Variants in RADIL observed in about 807,000 individuals in gnomAD.
The protein encoded by RADIL is ras-associating and dilute domain-containing protein.
In RADIL, 99 loss-of-function variants were observed where a neutral mutation model predicts 97.6. The ratio of observed to expected loss-of-function variants is 1.01; its 90% CI spans 0.86 to 1.20. RADIL has a LOEUF of 1.20. Among genes scored for constraint, RADIL ranks in the 50% most tolerant of loss-of-function variants. The pLI, the probability that RADIL is intolerant of heterozygous loss-of-function variation, is 0.00. For missense variants in RADIL, 1,765 were observed against 1,498.9 expected (o/e 1.18, Z -2.93); for synonymous variants, 803 against 691.8 (o/e 1.16, Z -2.52).
In RADIL at chr7:4,871,710, C is replaced by T. The variant is rs112619410; in HGVS notation, c.535+5895G>A. Among the ~76,000 whole-genome samples, 120 of 152,320 alleles carry T rather than the reference C, an allele frequency of 7.9e-4. 1 individual carries two copies. The highest frequency in any genetic ancestry group is 3.4e-3 in the Middle Eastern group (1 of 294). On this transcript the variant is annotated intron_variant, in intron 2 of 14. Coordinates refer to ENST00000399583, the MANE Select transcript of RADIL (RefSeq NM_018059.5). ...ACACACAAAGAAAACGGACCCCACTCGGGAGTCTTGCAGACGCATAGGAGC... is the reference window on the plus strand; with the variant it reads ...ACACACAAAGAAAACGGACCCCACTTGGGAGTCTTGCAGACGCATAGGAGC...
At chr7:4,861,726 G>C (rs761559548) in intron 2 of RADIL, 2 of 1,537,594 alleles carry the variant, frequency 1.3e-6, no homozygotes, top group Non-Finnish European at 1.7e-6. Context: ...GGGACCGCTA[G>C]ACTGATAGGC....
intron 6 of RADIL, among the ~76,000 whole-genome samples, chr7:4,820,562 G>A (rs571572168): frequency 1.3e-5 from 2 of 152,306 alleles, no homozygotes; most frequent in East Asian, 1.9e-4. Flanking sequence ...AGGCAGCCCC[G>A]ATTCCCAGGA....
rs749323076 is a variant in RADIL, at chr7:4,836,543, G to C, written c.598C>G (p.Leu200Val). Residue 200 changes from leucine to valine, a missense_variant, in exon 3 of 15, where the codon CTG becomes GTG. By Grantham distance (32) the Leu-to-Val change is conservative. Transcript: ENST00000399583. ...SRAKGTPTPA[L>V]GDARSSPPPR... ...GGAGGAGAGCTCCGGGCATCCCCCA[G>C]GGCCGGGGTCGGGGTTCCCTTCGCG... The C allele has an allele frequency of 3.7e-6, 6 of 1,607,890 alleles. No homozygotes were observed. The African/African-American group carries it at 5.3e-5, about 14-fold the overall frequency.
intron 2 of RADIL, among the ~76,000 whole-genome samples, chr7:4,862,577 C>G (rs952287092): frequency 1.3e-5 from 2 of 152,218 alleles, no homozygotes; most frequent in South Asian, 2.1e-4. Context: ...GATCCCACCA[C>G]TGTGTGTCCA....
rs1445513705 is a variant in RADIL at position 4,815,819 on chromosome 7, C to T, written c.1967-369G>A. 6.6e-6 allele frequency among the ~76,000 whole-genome samples: 1 copy of T among 152,152 alleles called. No homozygotes were observed. The highest frequency in any genetic ancestry group is 1.5e-5 in the Non-Finnish European group (1 of 68,018). On this transcript the variant is annotated intron_variant, in intron 8 of 14. Transcript: ENST00000399583. The surrounding 1 kb of genome is among the most constrained non-coding windows in gnomAD (Gnocchi z 8.0). The stretch of plus-strand genomic sequence containing the variant: ...CTGGGAGTGGCCAGTGCTCCTGAGC[C>T]CTGCAGGTGATGGGGGAAGTCACTC...
intron 2 of RADIL, among the ~76,000 whole-genome samples, chr7:4,864,356 T>C (rs2115037970): frequency 6.6e-6 from 1 of 152,366 alleles, no homozygotes; most frequent in East Asian, 1.9e-4. Flanking sequence ...GTTTCCATTC[T>C]AAGCCCTCAT....
chr7:4,827,541 G>T (rs1256348092), intron 5 of RADIL, among the ~76,000 whole-genome samples: 2 of 148,354 alleles, frequency 1.3e-5, no homozygotes, highest in Non-Finnish European at 3.0e-5. Flanking sequence ...GGCGCCTGTA[G>T]TCCCAGCTAC....
chr7:4,835,352 G>T lies in RADIL; in HGVS notation c.784-113C>A. ...GCGTGGCTGGGATGCTGTCGCCACG[G>T]GCTCTCCATGTCCCTGGCCACCCCC... On this transcript the variant is annotated intron_variant, in intron 3 of 14. Coordinates refer to ENST00000399583, the MANE Select transcript of RADIL (RefSeq NM_018059.5). This position sits in a 1 kb window ranked among gnomAD's most constrained non-coding sequence, Gnocchi z 5.8. The T allele has an allele frequency of 7.4e-7, 1 of 1,359,092 alleles. No homozygotes were observed. The highest frequency in any genetic ancestry group is 1.0e-6 in the Non-Finnish European group (1 of 1,001,510). The allele number at this position is 1,359,092 out of a possible 1,614,324, so 84.2% of individuals were successfully genotyped here. A position where few individuals can be genotyped will look rare whatever the true frequency, so the allele number is the denominator to read the frequency against.
Position 4,835,452 on chromosome 7 carries a change from G to C in RADIL, c.784-213C>G, listed in dbSNP as rs1195475831. Among the ~76,000 whole-genome samples the C allele has an allele frequency of 1.3e-5, 2 of 152,120 alleles. No homozygotes were observed. Among genetic ancestry groups the C allele is most frequent in the Non-Finnish European group, 2.9e-5 (2 of 68,036 alleles). On this transcript the variant is annotated intron_variant, in intron 3 of 14. Transcript: ENST00000399583. The surrounding 1 kb of genome is among the most constrained non-coding windows in gnomAD (Gnocchi z 5.8). ...CCATCCCAGAGGAGGTCGGTTTCCC[G>C]GAGGAGCACACGAGAGACCCAGGAG...
chr7:4,801,525 T>A (rs1366951832), intron 12 of RADIL, 128 bp downstream of exon 12: 1 of 1,010,950 alleles, frequency 9.9e-7, no homozygotes, highest in South Asian at 1.6e-5. Flanking sequence ...CCGTCTCAGG[T>A]TGCAGGTGTC....
At position 4,799,242 on chromosome 7, in the gene RADIL, G is replaced by A. The variant is rs951465779; in HGVS notation, c.*136C>T. The A allele has an allele frequency of 4.4e-6, 3 of 684,648 alleles. No individual in the cohort carries two copies. Among genetic ancestry groups the A allele is most frequent in the African/African-American group, 1.8e-5 (1 of 56,042 alleles). 42.4% of individuals were successfully genotyped at this position (684,648 alleles called of 1,614,324 possible). A position where few individuals can be genotyped will look rare whatever the true frequency, so the allele number is the denominator to read the frequency against. ...TACACTGAGATGCATGTTATCAACA[G>A]GCATGTCCCCAGGGTGAGGCTCCCC... is the stretch of plus-strand genomic sequence containing the variant. On this transcript the variant is annotated 3_prime_UTR_variant, in exon 15 of 15. Transcript: ENST00000399583.
chr7:4,802,525 C>T (rs1246264681), intron 11 of RADIL, among the ~76,000 whole-genome samples: 2 of 139,408 alleles, frequency 1.4e-5, no homozygotes, highest in African/African-American at 2.9e-5. Flanking sequence ...TGGACCCCCT[C>T]TCTGGGCACC....
chr7:4,834,294 C>T lies in RADIL; in HGVS notation c.1416+313G>A, dbSNP rs1261712261. Among the ~76,000 whole-genome samples the T allele has an allele frequency of 1.3e-5, 2 of 152,084 alleles. No individual in the cohort carries two copies. Among genetic ancestry groups the T allele is most frequent in the East Asian group, 1.9e-4 (1 of 5,172 alleles). On this transcript the variant is annotated intron_variant, in intron 4 of 14. Transcript: ENST00000399583. The surrounding 1 kb of genome is among the most constrained non-coding windows in gnomAD (Gnocchi z 6.0). ...GCTCAGGGGCAGCTCACTCCTGGCA[C>T]GTGACAGTGCTGGGCCCAGCTGGAC...
Position 4,799,759 on chromosome 7 carries a change from A to C in RADIL, c.2993T>G (p.Leu998Arg). The C allele has an allele frequency of 6.5e-7, 1 of 1,537,434 alleles. No homozygotes were observed. ...CTGGATGTAGAGCCCGGGGGCGCCCAGGTGCGTGTGCTGGGGACAAGCAGA... is the reference window on the plus strand; with the variant it reads ...CTGGATGTAGAGCCCGGGGGCGCCCCGGTGCGTGTGCTGGGGACAAGCAGA... ...MGLIDGMHTHLGAPGLYIQTL... is the reference protein window; with the variant it reads ...MGLIDGMHTHRGAPGLYIQTL... Residue 998 changes from leucine to arginine, a missense_variant, in exon 14 of 15, where the codon CTG (leucine) becomes CGG (arginine). Coordinates refer to ENST00000399583, the MANE Select transcript of RADIL (RefSeq NM_018059.5).
chr7:4,827,725 C>T (rs1583287406), intron 5 of RADIL, among the ~76,000 whole-genome samples: 3 of 152,130 alleles, frequency 2.0e-5, no homozygotes, highest in African/African-American at 4.8e-5. Flanking sequence ...GAAAGGGATT[C>T]GGCCAACACG....
chr7:4,872,268 G>A lies in RADIL; in HGVS notation c.535+5337C>T, dbSNP rs747786077. Among the ~76,000 whole-genome samples, 1 of 152,198 alleles carries A rather than the reference G, an allele frequency of 6.6e-6. No homozygotes were observed. The highest frequency in any genetic ancestry group is 1.5e-5 in the Non-Finnish European group (1 of 68,042). On this transcript the variant is annotated intron_variant, in intron 2 of 14. Coordinates refer to ENST00000399583, the MANE Select transcript of RADIL (RefSeq NM_018059.5). The surrounding 1 kb of genome is among the most constrained non-coding windows in gnomAD (Gnocchi z 5.8). Reference sequence around the variant, plus strand: ...GACATCTTTGGTTGTTACAACTTGGGGGTGGGGGCACAGGAGCCAGGGACA... The same window carrying A: ...GACATCTTTGGTTGTTACAACTTGGAGGTGGGGGCACAGGAGCCAGGGACA...
At chr7:4,829,764 C>T (rs891124633) in intron 5 of RADIL, among the ~76,000 whole-genome samples, 1 of 152,164 alleles carries the variant, frequency 6.6e-6, no homozygotes, top group Non-Finnish European at 1.5e-5. Flanking sequence ...TGAACACACT[C>T]TCTCGCCTGC....
Position 4,815,571 on chromosome 7 carries a change from G to T in RADIL, c.1967-121C>A. 9.4e-7 allele frequency: 1 copy of T among 1,067,400 alleles called. No homozygotes were observed. The highest frequency in any genetic ancestry group is 1.3e-6 in the Non-Finnish European group (1 of 770,118). The allele number at this position is 1,067,400 out of a possible 1,614,324, so 66.1% of individuals were successfully genotyped here. On this transcript the variant is annotated intron_variant, in intron 8 of 14. Coordinates refer to ENST00000399583, the MANE Select transcript of RADIL (RefSeq NM_018059.5). This position sits in a 1 kb window ranked among gnomAD's most constrained non-coding sequence, Gnocchi z 8.0. ...GCCACTGAGGACATCACAGCTCGATGACAGGCAGGACACCTTCCCTCGGTT... is the reference window on the plus strand; with the variant it reads ...GCCACTGAGGACATCACAGCTCGATTACAGGCAGGACACCTTCCCTCGGTT...
chr7:4,846,011 G>A (rs1259893943), intron 2 of RADIL, among the ~76,000 whole-genome samples: 2 of 152,198 alleles, frequency 1.3e-5, no homozygotes, highest in African/African-American at 4.8e-5. Context: ...CCTGCTCACC[G>A]CGTCCAGCAT....
Sources: allele counts gnomAD v4.1 joint callset (sites outside exome capture counted in the v4.1 genomes callset), GRCh38; gene constraint gnomAD v4.1.1; non-coding constraint Gnocchi (gnomAD v3.1); transcripts MANE v1.5; gene names NCBI Gene and HGNC (gene_info 2026-07-23, HGNC 2026-07-21).